Variants in ARHGEF6 observed in about 807,000 individuals in gnomAD.
ARHGEF6 encodes the protein rho guanine nucleotide exchange factor 6.
A neutral mutation model predicts 70.3 loss-of-function variants in ARHGEF6; 9 were observed. That is an observed-to-expected ratio of 0.13 (90% CI 0.08 to 0.22). The LOEUF (loss-of-function observed/expected upper bound fraction) is 0.22, where lower values mean the gene tolerates loss of function less well. ARHGEF6 is among the 10% of genes least tolerant of loss of function. ARHGEF6 has a pLI of 1.00. For missense variants in ARHGEF6, 470 were observed against 563.0 expected (o/e 0.83, Z 1.67); for synonymous variants, 201 against 207.8 (o/e 0.97, Z 0.28).
In ARHGEF6 at chrX:136,711,732, T is replaced by C. The variant is rs774983342; in HGVS notation, c.827+1544A>G. 3.3e-4 allele frequency among the ~76,000 whole-genome samples: 36 copies of C among 110,765 alleles called. No individual in the cohort carries two copies. In the South Asian group the frequency reaches 0.012, roughly 38 times the overall value. On this transcript the variant is annotated intron_variant, in intron 7 of 21. Transcript: ENST00000250617. Reference sequence around the variant, plus strand: ...TGCGCACCACCAAGCCGAGCTAATTTGTATTTTTAGTAGAGATGGGGTTTC... The same window carrying C: ...TGCGCACCACCAAGCCGAGCTAATTCGTATTTTTAGTAGAGATGGGGTTTC...
At chrX:136,738,074 G>A (rs1436296282) in intron 5 of ARHGEF6, among the ~76,000 whole-genome samples, 2 of 109,693 alleles carry the variant, frequency 1.8e-5, no homozygotes, top group Admixed American at 2.0e-4. Context: ...TCAGTGTTCA[G>A]CTTAAGCCCT....
chrX:136,767,862 C>A, intron 2 of ARHGEF6: 1 of 537,164 alleles, frequency 1.9e-6, no homozygotes, highest in Non-Finnish European at 2.2e-6. Context: ...GCAGCAGCAG[C>A]AGCAGCAGCC....
chrX:136,777,132 G>A, intron 2 of ARHGEF6, among the ~76,000 whole-genome samples: 1 of 111,066 alleles, frequency 9.0e-6, no homozygotes, highest in Non-Finnish European at 1.9e-5. Context: ...GGCTGAGGCA[G>A]GAGAATCGCT....
At chrX:136,745,529 T>G (rs2077087526) in intron 3 of ARHGEF6, among the ~76,000 whole-genome samples, 182 bp from the exon 4 acceptor site, 1 of 111,716 alleles carries the variant, frequency 9.0e-6, no homozygotes, top group Non-Finnish European at 1.9e-5. Context: ...AACTTCCTGT[T>G]CTTAACCTTA....
At chrX:136,713,002 CT>C (rs1191937145) in intron 7 of ARHGEF6, among the ~76,000 whole-genome samples, 476 of 101,940 alleles carry the variant, frequency 4.7e-3, no homozygotes, top group African/African-American at 8.0e-3. Flanking sequence ...AAGCACATCA[CT>C]TTTTTTTTTT....
chrX:136,706,853 C>T (rs755240145), intron 9 of ARHGEF6, 55 bp downstream of exon 9: 139 of 1,198,657 alleles, frequency 1.2e-4, no homozygotes, highest in Non-Finnish European at 1.5e-4. Flanking sequence ...TTCCAAATGA[C>T]GTGGTCCTAA....
At chrX:136,739,016 G>A (rs909170876) in intron 5 of ARHGEF6, among the ~76,000 whole-genome samples, 2 of 110,644 alleles carry the variant, frequency 1.8e-5, no homozygotes, top group South Asian at 3.9e-4. Flanking sequence ...CATCCCCCAC[G>A]CTACCTCCAG....
chrX:136,747,470 A>T, intron 3 of ARHGEF6, 38 bp downstream of exon 3: 1 of 1,154,649 alleles, frequency 8.7e-7, no homozygotes, highest in Non-Finnish European at 1.2e-6. Context: ...GGATTCAAAA[A>T]TGTCACCCAG....
intron 5 of ARHGEF6, chrX:136,737,569 A>G (rs1348886361): frequency 4.3e-6 from 3 of 703,341 alleles, no homozygotes; most frequent in South Asian, 7.7e-5. Flanking sequence ...TCAAAGAAAT[A>G]AAGCCCGGGC....
chrX:136,773,320 T>C (rs2077377130), intron 2 of ARHGEF6, among the ~76,000 whole-genome samples: 1 of 112,282 alleles, frequency 8.9e-6, no homozygotes, highest in African/African-American at 3.2e-5. Flanking sequence ...AGGTATGTCC[T>C]ATGCCAGGCA....
chrX:136,711,458 C>T (rs755175649), intron 7 of ARHGEF6, among the ~76,000 whole-genome samples: 2 of 112,256 alleles, frequency 1.8e-5, no homozygotes, highest in African/African-American at 6.5e-5. Flanking sequence ...TCCCAGGATA[C>T]TAGACCCAAT....
chrX:136,694,564 C>G (rs987115745), intron 9 of ARHGEF6, among the ~76,000 whole-genome samples: 2 of 111,901 alleles, frequency 1.8e-5, no homozygotes, highest in Non-Finnish European at 3.8e-5. Flanking sequence ...AGCAAAAGCA[C>G]AGCACAGCAG....
chrX:136,697,158 A>G (rs1945853335), intron 9 of ARHGEF6, among the ~76,000 whole-genome samples: 1 of 111,684 alleles, frequency 9.0e-6, no homozygotes, highest in Non-Finnish European at 1.9e-5. Flanking sequence ...GACGCAGTCC[A>G]TGGGAACAGA....
chrX:136,732,693 T>C (rs920481078), intron 5 of ARHGEF6, among the ~76,000 whole-genome samples: 1 of 112,325 alleles, frequency 8.9e-6, no homozygotes, highest in Non-Finnish European at 1.9e-5. Flanking sequence ...TTGTGTTAGA[T>C]AATTTTGCCC....
chrX:136,721,015 T>C (rs1462707146), intron 6 of ARHGEF6, among the ~76,000 whole-genome samples: 1 of 111,988 alleles, frequency 8.9e-6, no homozygotes, highest in African/African-American at 3.2e-5. Flanking sequence ...TGGGGAGATA[T>C]CCTATATTCA....
chrX:136,686,637 TATATACACAC>T (rs1338802528), intron 11 of ARHGEF6, among the ~76,000 whole-genome samples: 3 of 75,414 alleles, frequency 4.0e-5, no homozygotes, highest in African/African-American at 7.3e-5. Flanking sequence ...TATATATATA[TATATACACAC>T]ATATATATAT....
intron 3 of ARHGEF6, 151 bp from the exon 4 acceptor site, chrX:136,745,498 C>T (rs2077087180): frequency 1.3e-6 from 1 of 771,827 alleles, no homozygotes; most frequent in Non-Finnish European, 1.9e-6. Flanking sequence ...TATTTCAATC[C>T]CCCTTCCCTT....
chrX:136,733,942 G>A (rs757951787), intron 5 of ARHGEF6, among the ~76,000 whole-genome samples: 3 of 112,350 alleles, frequency 2.7e-5, no homozygotes, highest in Admixed American at 9.4e-5. Flanking sequence ...TTTGATCTGG[G>A]ATGGTTAGAG....
intron 7 of ARHGEF6, among the ~76,000 whole-genome samples, chrX:136,709,657 A>T (rs1242831196): frequency 1.8e-5 from 2 of 112,803 alleles, no homozygotes; most frequent in Non-Finnish European, 3.8e-5. Context: ...AACGTTTCTG[A>T]AGATTTGTTT....
Sources: gnomAD v4.1 joint callset for allele counts (sites outside exome capture counted in the v4.1 genomes callset) on GRCh38, gnomAD v4.1.1 for gene constraint, MANE v1.5 for transcripts, NCBI Gene and HGNC (gene_info 2026-07-23, HGNC 2026-07-21) for gene names.